The following DHX8 variants were observed in gnomAD, a reference collection of about 807,000 sequenced individuals.
DHX8 encodes ATP-dependent RNA helicase DHX8.
DHX8 carries 67 observed loss-of-function variants against 140.7 expected under a neutral mutation model. That is an observed-to-expected ratio of 0.48 (90% confidence interval 0.39 to 0.58). The LOEUF is 0.58. DHX8 is among the 20% of genes least tolerant of loss of function. The pLI, the probability that DHX8 is intolerant of heterozygous loss-of-function variation, is 0.00. For missense variants in DHX8, 887 were observed against 1,550.7 expected, an observed-to-expected ratio of 0.57 and a Z score of 7.19; for synonymous variants, 533 against 553.2, an observed-to-expected ratio of 0.96 and a Z score of 0.51.
chr17:43,500,435 T>TG (rs1002639014), intron 11 of DHX8, among the ~76,000 whole-genome samples: 1 of 151,324 alleles, frequency 6.6e-6, no homozygotes, highest in African/African-American at 2.4e-5. Flanking sequence ...TGCAGTGAGC[T>TG]GAGATCAGGC....
Position 43,493,544 on chromosome 17 carries a change from C to G in DHX8, c.963C>G (p.Val321=), listed in dbSNP as rs1277088160. The G allele has an allele frequency of 3.7e-6, 6 of 1,614,140 alleles. No individual in the cohort carries two copies. The highest frequency in any genetic ancestry group is 1.3e-5 in the African/African-American group (1 of 75,028). Residue 321 remains valine (V), a synonymous_variant, in exon 7 of 23, where the codon GTC becomes GTG. Transcript: ENST00000262415. ...DVVSKGQRVK[V]KVLSFTGTKT... is the part of the protein sequence containing the mutation. ...TGAGCAAAGGCCAGAGGGTCAAAGT[C>G]AAAGTGCTGTCCTTCACTGGGACCA...
Position 43,493,052 on chromosome 17 carries a change from T to G in DHX8, c.863+12T>G, listed in dbSNP as rs757500736. On this transcript the variant is annotated intron_variant, in intron 6 of 22. Transcript: ENST00000262415. ...CTGGAAGGACTAAGGTAATGACTGG[T>G]GCTCTTTTGTTCACACCAGTGATGG... 1 of 1,607,006 alleles carries G rather than the reference T, an allele frequency of 6.2e-7. No homozygotes were observed. Among genetic ancestry groups the G allele is most frequent in the Non-Finnish European group, 8.5e-7 (1 of 1,174,360 alleles).
intron 11 of DHX8, among the ~76,000 whole-genome samples, chr17:43,503,148 A>G (rs767305431): frequency 1.3e-5 from 2 of 152,106 alleles, no homozygotes; most frequent in Non-Finnish European, 2.9e-5. Context: ...AGATCACTTG[A>G]GTTGGGGAAT....
chr17:43,533,329 G>A, intron 2 of DHX8: 2 of 1,613,620 alleles, frequency 1.2e-6, no homozygotes, highest in Non-Finnish European at 1.7e-6. Flanking sequence ...ATGGCGATTT[G>A]TCTGGGGGGG....
intron 16 of DHX8, among the ~76,000 whole-genome samples, chr17:43,511,361 T>C (rs1236965692): frequency 6.6e-6 from 1 of 151,950 alleles, no homozygotes; most frequent in Non-Finnish European, 1.5e-5. Context: ...GGAGTCATTT[T>C]CACTTTTGGG....
At chr17:43,534,495 A>G (rs1279406198) in intron 2 of DHX8, among the ~76,000 whole-genome samples, 1 of 151,522 alleles carries the variant, frequency 6.6e-6, no homozygotes, top group Non-Finnish European at 1.5e-5. Context: ...CTCCGTCTCA[A>G]AAAGAAACAA....
intron 2 of DHX8, chr17:43,533,416 C>A: frequency 6.8e-7 from 1 of 1,465,462 alleles, no homozygotes. Flanking sequence ...ACCCTTCATT[C>A]CTAGGAAAGC....
chr17:43,536,344 C>T, intron 2 of DHX8: 1 of 1,223,022 alleles, frequency 8.2e-7, no homozygotes. Flanking sequence ...GAACAAGCTG[C>T]TCTCTTGTGA....
chr17:43,534,139 C>G (rs557917598), intron 2 of DHX8, among the ~76,000 whole-genome samples: 110 of 152,296 alleles, frequency 7.2e-4, no homozygotes, highest in African/African-American at 2.6e-3. Flanking sequence ...CGCAGTGAGA[C>G]AAGAACATTT....
intron 22 of DHX8, among the ~76,000 whole-genome samples, chr17:43,522,747 C>CAAAAAAAAAAA (rs773301589): frequency 2.4e-5 from 1 of 41,360 alleles, no homozygotes; most frequent in African/African-American, 9.9e-5. Context: ...AACTCCATCT[C>CAAAAAAAAAAA]AAAAAAAAAA....
intron 3 of DHX8, among the ~76,000 whole-genome samples, chr17:43,541,211 C>T (rs1222875819): frequency 2.0e-5 from 3 of 152,218 alleles, no homozygotes; most frequent in African/African-American, 7.2e-5. Flanking sequence ...AGGGGTAGGC[C>T]AGGGCCCTCA....
intron 8 of DHX8, among the ~76,000 whole-genome samples, chr17:43,495,090 A>T (rs147521726): frequency 8.1e-4 from 123 of 152,198 alleles, no homozygotes; most frequent in African/African-American, 2.9e-3. Flanking sequence ...CTGGGATTAC[A>T]GGCGTGAGCC....
chr17:43,536,795 G>A (rs1333828381), intron 3 of DHX8, among the ~76,000 whole-genome samples: 1 of 152,244 alleles, frequency 6.6e-6, no homozygotes, highest in Non-Finnish European at 1.5e-5. Context: ...CCCACGGGTT[G>A]GACAAGCTTG....
chr17:43,499,154 T>C (rs1185918524), intron 10 of DHX8, among the ~76,000 whole-genome samples, 195 bp downstream of exon 10: 1 of 152,224 alleles, frequency 6.6e-6, no homozygotes, highest in Non-Finnish European at 1.5e-5. Flanking sequence ...TTGAATTCTT[T>C]TGTGCTCCTT....
chr17:43,501,191 G>C (rs190171820), intron 11 of DHX8, among the ~76,000 whole-genome samples: 54 of 152,268 alleles, frequency 3.5e-4, no homozygotes, highest in African/African-American at 1.1e-3. Context: ...AATTGACTGT[G>C]GTGGGTCACT....
At chr17:43,521,658 C>A in intron 21 of DHX8, 93 bp downstream of exon 21, 1 of 1,205,340 alleles carries the variant, frequency 8.3e-7, no homozygotes, top group Non-Finnish European at 1.2e-6. Flanking sequence ...AAGCTATAGG[C>A]ACCTTTTCTC....
intron 2 of DHX8, chr17:43,533,324 G>C (rs747958996): frequency 6.2e-7 from 1 of 1,613,610 alleles, no homozygotes; most frequent in Admixed American, 1.7e-5. Context: ...ACTTGATGGC[G>C]ATTTGTCTGG....
intron 1 of DHX8, among the ~76,000 whole-genome samples, chr17:43,485,235 C>G (rs1240471937): frequency 6.6e-6 from 1 of 152,142 alleles, no homozygotes; most frequent in Non-Finnish European, 1.5e-5. Context: ...TTCCAGCCCA[C>G]TCTTCAGTTT....
At position 43,498,881 on chromosome 17, in the gene DHX8, A is replaced by G. The variant is rs755279033; in HGVS notation, c.1320A>G (p.Glu440=). Residue 440 remains glutamate, a synonymous_variant, in exon 10 of 23, where the codon GAA becomes GAG. Coordinates refer to ENST00000262415, the MANE Select transcript of DHX8 (RefSeq NM_004941.3). The stretch of plus-strand genomic sequence containing the variant: ...TTTTAGATGAGGACCTTGAGATTGA[A>G]TTGGTTGAGGAAGAGCCTCCATTCC... The part of the protein sequence containing the change: ...DDEEDEDLEI[E]LVEEEPPFLR... The G allele has an allele frequency of 6.3e-7, 1 of 1,595,070 alleles. No homozygotes were observed. The highest frequency in any genetic ancestry group is 8.5e-7 in the Non-Finnish European group (1 of 1,173,054).
Sources: allele counts gnomAD v4.1 joint callset (sites outside exome capture counted in the v4.1 genomes callset), GRCh38; gene constraint gnomAD v4.1.1; transcripts MANE v1.5; gene names NCBI Gene and HGNC (gene_info 2026-07-23, HGNC 2026-07-21).